Variants in CPA6 observed in about 807,000 individuals in gnomAD.
CPA6 encodes the protein carboxypeptidase B.
CPA6 carries 58 observed loss-of-function variants against 63.3 expected under a neutral mutation model. The observed-to-expected ratio is 0.92, with a 90% CI of 0.74 to 1.14. CPA6 has a LOEUF of 1.14. CPA6 is among the 50% of genes most tolerant of loss of function. CPA6 has a pLI of 0.00. For synonymous variants in CPA6, 185 were observed against 179.0 expected (o/e 1.03, Z -0.27); for missense variants, 565 against 526.6 (o/e 1.07, Z -0.71).
chr8:67,708,736 C>A (rs1817192148), intron 1 of CPA6, among the ~76,000 whole-genome samples: 1 of 152,278 alleles, frequency 6.6e-6, no homozygotes, highest in East Asian at 1.9e-4. Context: ...ATCACCAATG[C>A]CCCTCTGCCA....
At chr8:67,496,557 ATTTAT>A (rs1811722108) in intron 6 of CPA6, among the ~76,000 whole-genome samples, 1 of 98,998 alleles carries the variant, frequency 1.0e-5, no homozygotes, top group Non-Finnish European at 2.2e-5. Flanking sequence ...ATATATATAT[ATTTAT>A]TTTATTTTTT....
chr8:67,559,471 G>T (rs1289034005), intron 2 of CPA6, among the ~76,000 whole-genome samples: 6 of 152,024 alleles, frequency 3.9e-5, no homozygotes, highest in African/African-American at 1.4e-4. Context: ...CTATCCCATG[G>T]CCATGATGTC....
At chr8:67,643,568 G>A (rs181944834) in intron 1 of CPA6, among the ~76,000 whole-genome samples, 106 of 151,830 alleles carry the variant, frequency 7.0e-4, no homozygotes, top group African/African-American at 2.1e-3. Flanking sequence ...AATCAACTGA[G>A]CAATAAAAAC....
chr8:67,522,734 T>C (rs1503364), intron 2 of CPA6, among the ~76,000 whole-genome samples: 59,835 of 152,104 alleles, frequency 0.39, 12,181 homozygotes, highest in African/African-American at 0.52. Flanking sequence ...TTGGGTGCCA[T>C]TGCATTCCTC....
chr8:67,702,731 G>A (rs552196356), intron 1 of CPA6, among the ~76,000 whole-genome samples: 2 of 152,148 alleles, frequency 1.3e-5, no homozygotes, highest in Non-Finnish European at 1.5e-5. Flanking sequence ...ACCACACTGC[G>A]CATACGGCCC....
chr8:67,646,017 TC>T (rs1338579436), intron 1 of CPA6, among the ~76,000 whole-genome samples: 1 of 152,130 alleles, frequency 6.6e-6, no homozygotes, highest in Non-Finnish European at 1.5e-5. Flanking sequence ...AAGTTCTCTC[TC>T]CTGACCAAAA....
intron 2 of CPA6, among the ~76,000 whole-genome samples, chr8:67,593,367 T>C (rs1322418638): frequency 6.6e-6 from 1 of 151,968 alleles, no homozygotes; most frequent in Non-Finnish European, 1.5e-5. Flanking sequence ...TTCTGTTGAT[T>C]TGGGGTGGAG....
At position 67,720,188 on chromosome 8, in the gene CPA6, T is replaced by A. The variant is rs910832023; in HGVS notation, c.116+25826A>T. ...GGGGTCGCAAGGTGCTCAGTGGGGGTGCTTTTTGAGCCAGGATGAGCCAGG... is the reference window on the plus strand; with the variant it reads ...GGGGTCGCAAGGTGCTCAGTGGGGGAGCTTTTTGAGCCAGGATGAGCCAGG... On this transcript the variant is annotated intron_variant, in intron 1 of 10. Transcript: ENST00000297770. 1.5e-3 allele frequency among the ~76,000 whole-genome samples: 217 copies of A among 146,154 alleles called. 1 individual carries two copies. The highest frequency in any genetic ancestry group is 3.9e-3 in the African/African-American group (143 of 37,142).
intron 1 of CPA6, among the ~76,000 whole-genome samples, chr8:67,665,073 G>GA (rs907677957): frequency 6.0e-5 from 9 of 150,882 alleles, no homozygotes; most frequent in Non-Finnish European, 1.0e-4. Context: ...TACGCTTCTG[G>GA]AAAAAAAAAT....
intron 1 of CPA6, among the ~76,000 whole-genome samples, chr8:67,651,511 T>G (rs1195176547): frequency 6.6e-6 from 1 of 152,122 alleles, no homozygotes; most frequent in Non-Finnish European, 1.5e-5. Context: ...TATATAGATA[T>G]GATAGGGCTT....
intron 6 of CPA6, among the ~76,000 whole-genome samples, chr8:67,495,898 C>A (rs1427194693): frequency 6.6e-6 from 1 of 152,072 alleles, no homozygotes; most frequent in Non-Finnish European, 1.5e-5. Flanking sequence ...TGCCTGGCTT[C>A]CAAGGCTTAC....
intron 9 of CPA6, among the ~76,000 whole-genome samples, chr8:67,433,504 C>T (rs1337007349): frequency 6.6e-6 from 1 of 151,972 alleles, no homozygotes; most frequent in Non-Finnish European, 1.5e-5. Flanking sequence ...AGATACATAC[C>T]CAAAGACTTA....
chr8:67,647,349 T>A (rs540555094), intron 1 of CPA6, among the ~76,000 whole-genome samples: 20 of 150,922 alleles, frequency 1.3e-4, no homozygotes, highest in Non-Finnish European at 1.8e-4. Context: ...TTTTTTTTTT[T>A]AAATTATTGA....
At chr8:67,687,503 C>T (rs1290543632) in intron 1 of CPA6, among the ~76,000 whole-genome samples, 1 of 152,178 alleles carries the variant, frequency 6.6e-6, no homozygotes, top group Admixed American at 6.5e-5. Flanking sequence ...TGCTGTTTAT[C>T]AGTCCTGGGA....
At chr8:67,663,109 T>C (rs1455990561) in intron 1 of CPA6, among the ~76,000 whole-genome samples, 1 of 152,174 alleles carries the variant, frequency 6.6e-6, no homozygotes, top group Admixed American at 6.5e-5. Flanking sequence ...GAGTTCTCTA[T>C]TCAGGACTTG....
chr8:67,439,602 G>T (rs1554662837), intron 8 of CPA6, among the ~76,000 whole-genome samples: 1 of 142,554 alleles, frequency 7.0e-6, no homozygotes, highest in Admixed American at 7.0e-5. Flanking sequence ...AAAAAAAAAA[G>T]AAAGAAAAAG....
At chr8:67,524,281 A>C (rs1812317585) in intron 2 of CPA6, among the ~76,000 whole-genome samples, 1 of 152,168 alleles carries the variant, frequency 6.6e-6, no homozygotes. Flanking sequence ...TCTCATTTGC[A>C]TCAGTAATTG....
At chr8:67,481,008 T>C (rs1811350083) in intron 8 of CPA6, among the ~76,000 whole-genome samples, 1 of 152,228 alleles carries the variant, frequency 6.6e-6, no homozygotes, top group Non-Finnish European at 1.5e-5. Context: ...CACTTTTAAA[T>C]TGGGTTACTT....
Position 67,728,133 on chromosome 8 carries a change from C to CAAACAAAACA in CPA6, c.116+17871_116+17880dup, listed in dbSNP as rs71253025. Among the ~76,000 whole-genome samples, 194 of 147,704 alleles carry CAAACAAAACA rather than the reference C, an allele frequency of 1.3e-3. 3 individuals are homozygous for CAAACAAAACA. The highest frequency in any genetic ancestry group is 0.012 in the South Asian group (54 of 4,666). On this transcript the variant is annotated intron_variant, in intron 1 of 10. Coordinates refer to ENST00000297770, the MANE Select transcript of CPA6 (RefSeq NM_020361.5). ...AAACCAACAAAACAACAACAAAAAA[C>CAAACAAAACA]AAACAAAACAAAACAAAACAAAACA...
Sources: allele counts gnomAD v4.1 joint callset (sites outside exome capture counted in the v4.1 genomes callset), GRCh38; gene constraint gnomAD v4.1.1; transcripts MANE v1.5; gene names NCBI Gene and HGNC (gene_info 2026-07-23, HGNC 2026-07-21).